The following IL1RAPL1 variants were observed in gnomAD, a reference collection of about 807,000 sequenced individuals.
IL1RAPL1 encodes interleukin-1 receptor accessory protein-like 1.
In IL1RAPL1, 3 loss-of-function variants were observed where a neutral mutation model predicts 48.4. The observed-to-expected ratio is 0.06, with a 90% CI of 0.03 to 0.16. The LOEUF is 0.16. IL1RAPL1 is among the 10% of genes least tolerant of loss of function. IL1RAPL1 has a pLI of 1.00. For synonymous variants in IL1RAPL1, 185 were observed against 187.7 expected, an observed-to-expected ratio of 0.99 and a Z score of 0.12; for missense variants, 349 against 530.6, an observed-to-expected ratio of 0.66 and a Z score of 3.36.
intron 2 of IL1RAPL1, among the ~76,000 whole-genome samples, chrX:29,237,928 T>TA (rs1457172426): frequency 8.9e-6 from 1 of 112,139 alleles, no homozygotes; most frequent in African/African-American, 3.2e-5. Context: ...AAAGACAAAC[T>TA]AAAAAAGAAT....
chrX:28,612,524 G>A (rs1040591821), intron 1 of IL1RAPL1, among the ~76,000 whole-genome samples: 2 of 112,060 alleles, frequency 1.8e-5, no homozygotes, highest in African/African-American at 6.5e-5. Flanking sequence ...GCAGGAATAG[G>A]GCCAGAGTAG....
chrX:28,714,371 A>C (rs1935478440), intron 1 of IL1RAPL1, among the ~76,000 whole-genome samples: 1 of 112,052 alleles, frequency 8.9e-6, no homozygotes, highest in Non-Finnish European at 1.9e-5. Flanking sequence ...GAAGTAGTCT[A>C]TCCCCAAAAC....
chrX:29,184,672 T>G (rs1050002401), intron 2 of IL1RAPL1, among the ~76,000 whole-genome samples: 5 of 110,594 alleles, frequency 4.5e-5, no homozygotes, highest in African/African-American at 1.6e-4. Flanking sequence ...GGCTACTTTT[T>G]GTATTTTTAG....
chrX:29,350,896 G>A (rs1444438603), intron 3 of IL1RAPL1, among the ~76,000 whole-genome samples: 2 of 111,480 alleles, frequency 1.8e-5, no homozygotes, highest in Admixed American at 9.6e-5. Context: ...ATATCAATTA[G>A]CCTATGAGAA....
intron 5 of IL1RAPL1, among the ~76,000 whole-genome samples, chrX:29,479,289 C>T (rs768816130): frequency 9.4e-6 from 1 of 106,848 alleles, no homozygotes; most frequent in Non-Finnish European, 1.9e-5. Context: ...TGGCACGTGC[C>T]TTGTGGTCCC....
At chrX:29,180,722 ATTAGGCTATTCCC>A (rs1930127907) in intron 2 of IL1RAPL1, among the ~76,000 whole-genome samples, 1 of 111,757 alleles carries the variant, frequency 8.9e-6, no homozygotes, top group Non-Finnish European at 1.9e-5. Flanking sequence ...TGGAACCTCC[ATTAGGCTATTCCC>A]TTAATTCCAA....
intron 6 of IL1RAPL1, among the ~76,000 whole-genome samples, chrX:29,716,604 T>G (rs1323251575): frequency 1.8e-5 from 2 of 111,951 alleles, no homozygotes; most frequent in Non-Finnish European, 3.8e-5. Flanking sequence ...CACACAGCAA[T>G]CTTTAGAATA....
chrX:29,609,940 T>C (rs777361029), intron 5 of IL1RAPL1, among the ~76,000 whole-genome samples: 1 of 111,498 alleles, frequency 9.0e-6, no homozygotes, highest in Admixed American at 9.6e-5. Context: ...TTACCATTTT[T>C]TTTTATTTTT....
intron 5 of IL1RAPL1, among the ~76,000 whole-genome samples, chrX:29,415,400 G>C (rs1468989081): frequency 9.0e-6 from 1 of 110,657 alleles, no homozygotes; most frequent in Non-Finnish European, 1.9e-5. Context: ...TCATTGGATA[G>C]AGAATTATTA....
intron 2 of IL1RAPL1, among the ~76,000 whole-genome samples, chrX:28,885,036 T>C (rs1197602437): frequency 9.0e-6 from 1 of 111,180 alleles, no homozygotes; most frequent in Non-Finnish European, 1.9e-5. Flanking sequence ...ATGTTACAAC[T>C]GGTAAAAAGA....
intron 6 of IL1RAPL1, among the ~76,000 whole-genome samples, chrX:29,860,002 G>A (rs761585834): frequency 2.7e-5 from 3 of 111,785 alleles, no homozygotes; most frequent in Non-Finnish European, 5.6e-5. Flanking sequence ...TGAAATTGAT[G>A]TTACTTTATA....
At chrX:28,754,488 C>A (rs1343073683) in intron 1 of IL1RAPL1, among the ~76,000 whole-genome samples, 1 of 111,940 alleles carries the variant, frequency 8.9e-6, no homozygotes, top group Non-Finnish European at 1.9e-5. Flanking sequence ...GATAAAAATA[C>A]CAATTTTTTT....
At chrX:29,684,782 A>G (rs1926569798) in intron 6 of IL1RAPL1, among the ~76,000 whole-genome samples, 1 of 112,050 alleles carries the variant, frequency 8.9e-6, no homozygotes, top group Non-Finnish European at 1.9e-5. Flanking sequence ...GCTGATAGAA[A>G]AGTTGCCTAG....
At chrX:29,557,125 G>A (rs1310924522) in intron 5 of IL1RAPL1, among the ~76,000 whole-genome samples, 1 of 111,664 alleles carries the variant, frequency 9.0e-6, no homozygotes, top group Non-Finnish European at 1.9e-5. Context: ...TATGCGTGGG[G>A]CCATCTCGAT....
chrX:28,957,035 C>T (rs1027132256), intron 2 of IL1RAPL1, among the ~76,000 whole-genome samples: 2 of 110,628 alleles, frequency 1.8e-5, no homozygotes, highest in African/African-American at 3.3e-5. Flanking sequence ...TCTAGATTTT[C>T]TAGTTTATTT....
intron 1 of IL1RAPL1, among the ~76,000 whole-genome samples, chrX:28,730,593 G>A (rs1032072201): frequency 8.1e-5 from 9 of 111,553 alleles, no homozygotes; most frequent in African/African-American, 2.9e-4. Flanking sequence ...ATTTACACTT[G>A]TTGAACTGTG....
At chrX:29,408,091 G>A (rs1934097921) in intron 5 of IL1RAPL1, among the ~76,000 whole-genome samples, 1 of 111,055 alleles carries the variant, frequency 9.0e-6, no homozygotes, top group Non-Finnish European at 1.9e-5. Flanking sequence ...GTGGGTATGG[G>A]GAAAACGTCA....
At chrX:29,394,588 G>C (rs1933898452) in intron 3 of IL1RAPL1, among the ~76,000 whole-genome samples, 1 of 111,980 alleles carries the variant, frequency 8.9e-6, no homozygotes, top group African/African-American at 3.2e-5. Flanking sequence ...GAGCCTTCTT[G>C]TTTCTTTCTT....
chrX:29,905,216 G>GT (rs200961219), intron 6 of IL1RAPL1, among the ~76,000 whole-genome samples: 145 of 106,916 alleles, frequency 1.4e-3, no homozygotes, highest in African/African-American at 4.3e-3. Context: ...TTTTGATGGG[G>GT]TTTTTTTTTT....
Sources: gnomAD v4.1 joint callset for allele counts (sites outside exome capture counted in the v4.1 genomes callset) on GRCh38, gnomAD v4.1.1 for gene constraint, MANE v1.5 for transcripts, NCBI Gene and HGNC (gene_info 2026-07-23, HGNC 2026-07-21) for gene names.